Variants in KAZN observed in about 807,000 individuals in gnomAD.
KAZN encodes the protein kazrin, periplakin interacting protein.
Under a neutral mutation model 87.4 loss-of-function variants are expected in KAZN, and 40 were observed. The observed-to-expected ratio is 0.46, with a 90% CI of 0.36 to 0.60. The LOEUF (loss-of-function observed/expected upper bound fraction) is 0.60, where lower values mean the gene tolerates loss of function less well. Among genes scored for constraint, KAZN ranks in the 20% least tolerant of loss-of-function variants. KAZN has a pLI of 0.00. For missense variants in KAZN, 898 were observed against 1,073.9 expected (o/e 0.84, Z 2.29); for synonymous variants, 466 against 458.3 (o/e 1.02, Z -0.22).
intron 1 of KAZN, among the ~76,000 whole-genome samples, chr1:13,908,571 A>G (rs1639530776): frequency 2.6e-5 from 4 of 152,238 alleles, no homozygotes; most frequent in Admixed American, 1.3e-4. Flanking sequence ...TTGGAAACGG[A>G]AACTTGGAGC....
At chr1:14,947,064 G>A (rs140561286) in intron 1 of KAZN, among the ~76,000 whole-genome samples, 34 of 152,264 alleles carry the variant, frequency 2.2e-4, no homozygotes, top group African/African-American at 8.2e-4. Context: ...TGAGACACTG[G>A]GTGTTATGCT....
At chr1:14,159,788 G>A (rs1489245951) in intron 1 of KAZN, among the ~76,000 whole-genome samples, 1 of 152,178 alleles carries the variant, frequency 6.6e-6, no homozygotes, top group Non-Finnish European at 1.5e-5. Context: ...TCACTGCTGG[G>A]CTCTTCAGTT....
intron 2 of KAZN, among the ~76,000 whole-genome samples, chr1:14,347,948 T>A (rs995099729): frequency 6.6e-6 from 1 of 151,822 alleles, no homozygotes; most frequent in Non-Finnish European, 1.5e-5. Context: ...TGCAGTGGCA[T>A]GATCTTGACT....
intron 2 of KAZN, among the ~76,000 whole-genome samples, chr1:14,576,175 T>C (rs995176806): frequency 6.6e-6 from 1 of 152,164 alleles, no homozygotes; most frequent in Non-Finnish European, 1.5e-5. Flanking sequence ...ATTTGTAAAA[T>C]GAAGACGATA....
chr1:14,015,037 T>A (rs1389233054), intron 1 of KAZN, among the ~76,000 whole-genome samples: 3 of 152,214 alleles, frequency 2.0e-5, no homozygotes, highest in Non-Finnish European at 4.4e-5. Context: ...AATTTCACTG[T>A]TGCTAATATT....
chr1:14,604,370 T>A (rs1202670535), intron 1 of KAZN, among the ~76,000 whole-genome samples: 1 of 152,170 alleles, frequency 6.6e-6, no homozygotes, highest in Non-Finnish European at 1.5e-5. Flanking sequence ...TGCTGACCCC[T>A]GTCACCACTC....
intron 2 of KAZN, among the ~76,000 whole-genome samples, chr1:14,204,258 C>T (rs566583828): frequency 2.0e-5 from 3 of 152,262 alleles, no homozygotes; most frequent in Middle Eastern, 6.8e-3. Context: ...GACTTCTTCA[C>T]GATTATTCTT....
intron 1 of KAZN, among the ~76,000 whole-genome samples, chr1:14,090,558 A>T (rs1201964596): frequency 6.6e-6 from 1 of 152,186 alleles, no homozygotes; most frequent in East Asian, 1.9e-4. Flanking sequence ...TATAATGACT[A>T]TTAAAATGCT....
intron 1 of KAZN, among the ~76,000 whole-genome samples, chr1:14,665,644 C>T (rs1376966215): frequency 6.6e-6 from 1 of 152,016 alleles, no homozygotes; most frequent in Non-Finnish European, 1.5e-5. Context: ...TCAGTGTATC[C>T]GTTTCCCTGA....
intron 1 of KAZN, among the ~76,000 whole-genome samples, chr1:14,177,367 T>C (rs1447439828): frequency 2.0e-5 from 3 of 152,200 alleles, no homozygotes; most frequent in Admixed American, 2.0e-4. Flanking sequence ...TCTTTTTTCA[T>C]TTTTGTAAAT....
chr1:14,554,058 A>G (rs1259039928), intron 2 of KAZN, among the ~76,000 whole-genome samples: 1 of 152,156 alleles, frequency 6.6e-6, no homozygotes, highest in Non-Finnish European at 1.5e-5. Context: ...GACAGACCTC[A>G]GCTGAGTCCC....
intron 1 of KAZN, among the ~76,000 whole-genome samples, chr1:14,684,423 A>G (rs1023925210): frequency 2.0e-5 from 3 of 152,096 alleles, no homozygotes; most frequent in Non-Finnish European, 4.4e-5. Flanking sequence ...CCACTACTAC[A>G]TGATGCAAGG....
At chr1:14,466,344 G>A (rs1668129003) in intron 2 of KAZN, among the ~76,000 whole-genome samples, 1 of 151,774 alleles carries the variant, frequency 6.6e-6, no homozygotes, top group African/African-American at 2.4e-5. Context: ...AACAAAAAAG[G>A]AGACGTGGAT....
intron 1 of KAZN, among the ~76,000 whole-genome samples, chr1:14,065,134 C>T (rs1339956701): frequency 6.6e-6 from 1 of 152,284 alleles, no homozygotes; most frequent in Non-Finnish European, 1.5e-5. Context: ...CCTCTGACAA[C>T]ACAACACCTT....
chr1:14,774,299 A>G (rs1381565052), intron 1 of KAZN, among the ~76,000 whole-genome samples: 1 of 152,058 alleles, frequency 6.6e-6, no homozygotes, highest in Non-Finnish European at 1.5e-5. Context: ...AAATGGGATC[A>G]TAATGCCAAC....
intron 1 of KAZN, among the ~76,000 whole-genome samples, chr1:13,944,473 A>G (rs2100978573): frequency 6.6e-6 from 1 of 152,380 alleles, no homozygotes; most frequent in East Asian, 1.9e-4. Flanking sequence ...GGTAAAATGT[A>G]GTAAACATCA....
At chr1:15,111,271 T>TTGTTGTTGTTGTTG (rs55891519) in intron 13 of KAZN, among the ~76,000 whole-genome samples, 15,509 of 147,544 alleles carry the variant, frequency 0.11, 844 homozygotes, top group African/African-American at 0.11. Context: ...GTTGTTGTTG[T>TTGTTGTTGTTGTTG]TTGTTGTTGT....
intron 1 of KAZN, among the ~76,000 whole-genome samples, chr1:14,945,279 G>A (rs553343175): frequency 6.6e-6 from 1 of 152,294 alleles, no homozygotes; most frequent in East Asian, 1.9e-4. Flanking sequence ...CCCAGTCCTG[G>A]TCTTTCTCAG....
chr1:14,329,460 C>T (rs1223911393), intron 2 of KAZN, among the ~76,000 whole-genome samples: 7 of 152,146 alleles, frequency 4.6e-5, no homozygotes, highest in South Asian at 2.1e-4. Context: ...TCCACTATAC[C>T]GCTTCATAGG....
Sources: allele counts gnomAD v4.1 joint callset (sites outside exome capture counted in the v4.1 genomes callset), GRCh38; gene constraint gnomAD v4.1.1; transcripts MANE v1.5; gene names NCBI Gene and HGNC (gene_info 2026-07-23, HGNC 2026-07-21).